Variants in SP140 observed in about 807,000 individuals in gnomAD.
SP140 encodes the protein SP140 nuclear body protein.
In SP140, 81 loss-of-function variants were observed where a neutral mutation model predicts 125.0. The observed-to-expected ratio is 0.65, with a 90% CI of 0.54 to 0.78. SP140 has a LOEUF of 0.78. Ranked by LOEUF, SP140 falls within the 30% of genes least tolerant of loss-of-function variation. The pLI, the probability that SP140 is intolerant of heterozygous loss-of-function variation, is 0.00. For missense variants in SP140, 858 were observed against 1,037.0 expected (o/e 0.83, Z 2.37); for synonymous variants, 312 against 354.0 (o/e 0.88, Z 1.33).
intron 12 of SP140, among the ~76,000 whole-genome samples, chr2:230,260,464 A>G (rs1223965506): frequency 6.6e-6 from 1 of 152,080 alleles, no homozygotes; most frequent in East Asian, 1.9e-4. Context: ...CCAGCTATTT[A>G]TCTTTGTTTT....
At chr2:230,242,137 T>C (rs1043629862) in intron 4 of SP140, among the ~76,000 whole-genome samples, 1 of 151,182 alleles carries the variant, frequency 6.6e-6, no homozygotes, top group Admixed American at 6.6e-5. Context: ...CTGCCAAGGA[T>C]CAGAGGTAAA....
chr2:230,213,105 C>G lies in SP140; in HGVS notation c.-322-549C>G, dbSNP rs1004154790. 7 of 1,411,414 alleles carry G rather than the reference C, an allele frequency of 5.0e-6. No individual in the cohort carries two copies. The Admixed American group carries it at 1.2e-4, about 24-fold the overall frequency. The allele number at this position is 1,411,414 out of a possible 1,614,324, so 87.4% of individuals were successfully genotyped here. A position where few individuals can be genotyped will look rare whatever the true frequency, so the allele number is the denominator to read the frequency against. ...GGGGAAGGGGATTTCTTAATACATGCCTTCCAATAGGATGGGGGCATGGAG... is the reference window on the plus strand; with the variant it reads ...GGGGAAGGGGATTTCTTAATACATGGCTTCCAATAGGATGGGGGCATGGAG... On this transcript the variant is annotated intron_variant, in intron 1 of 4. Coordinates refer to the SP140 transcript ENST00000456542.
chr2:230,241,641 C>T (rs2048744341), intron 4 of SP140, among the ~76,000 whole-genome samples, 154 bp downstream of exon 4: 2 of 152,028 alleles, frequency 1.3e-5, no homozygotes, highest in South Asian at 4.2e-4. Flanking sequence ...TATCTGCCAA[C>T]AGATGTGAGA....
At chr2:230,303,415 A>T (rs549976147) in intron 22 of SP140, among the ~76,000 whole-genome samples, 10 of 152,338 alleles carry the variant, frequency 6.6e-5, no homozygotes, top group African/African-American at 9.6e-5. Flanking sequence ...AATGGTAATT[A>T]AAAAATTGCC....
chr2:230,287,317 A>G (rs1185566488), intron 17 of SP140, among the ~76,000 whole-genome samples: 2 of 152,166 alleles, frequency 1.3e-5, no homozygotes, highest in African/African-American at 2.4e-5. Context: ...TCTTCCCCCA[A>G]TGTGACATGT....
chr2:230,209,250 A>C (rs2044206659), intron 1 of SP140, among the ~76,000 whole-genome samples: 1 of 152,050 alleles, frequency 6.6e-6, no homozygotes, highest in African/African-American at 2.4e-5. Flanking sequence ...GGAGGCCAAG[A>C]ATTGGTGGAG....
upstream of SP140, chr2:230,202,544 G>C (rs757296584): frequency 1.2e-6 from 2 of 1,609,264 alleles, no homozygotes; most frequent in Non-Finnish European, 1.7e-6. Context: ...CCCACACTGA[G>C]CCATTCAAAT....
At chr2:230,308,729 A>AG (rs1356560285) in intron 22 of SP140, among the ~76,000 whole-genome samples, 3 of 152,256 alleles carry the variant, frequency 2.0e-5, no homozygotes, top group Non-Finnish European at 4.4e-5. Flanking sequence ...AATACGCAGA[A>AG]GGTGCAAGCG....
At chr2:230,270,750 T>A in intron 15 of SP140, 111 bp downstream of exon 15, 1 of 1,062,170 alleles carries the variant, frequency 9.4e-7, no homozygotes, top group Non-Finnish European at 1.4e-6. Flanking sequence ...AATACTGTGG[T>A]AGACAGAAGG....
intron 7 of SP140, among the ~76,000 whole-genome samples, chr2:230,246,993 A>G (rs2049547147): frequency 1.3e-5 from 2 of 152,128 alleles, no homozygotes; most frequent in Admixed American, 1.3e-4. Context: ...CACTAGACAG[A>G]AATAACTTCT....
At chr2:230,249,004 A>G (rs1225948778) in intron 9 of SP140, 36 bp downstream of exon 9, 3 of 1,540,162 alleles carry the variant, frequency 1.9e-6, no homozygotes, top group Non-Finnish European at 1.8e-6. Context: ...ATTTGAGTAC[A>G]TCTTTGTTTT....
chr2:230,315,917 T>C (rs1001620521), downstream of SP140, among the ~76,000 whole-genome samples: 4 of 152,226 alleles, frequency 2.6e-5, no homozygotes, highest in Non-Finnish European at 5.9e-5. Flanking sequence ...TTTATTATAA[T>C]GGGTTAGCAC....
At chr2:230,202,700 T>C (rs2148861745), upstream of SP140, 1 of 1,614,182 alleles carries the variant, frequency 6.2e-7, no homozygotes, top group Non-Finnish European at 8.5e-7. Context: ...TGAGCTTCTT[T>C]TGGATTCCGT....
upstream of SP140, chr2:230,225,603 A>G: frequency 1.7e-6 from 1 of 579,036 alleles, no homozygotes. Context: ...GGAACAAGTG[A>G]CCCTGTCTTC....
At chr2:230,212,036 T>G (rs2044540972) in intron 1 of SP140, among the ~76,000 whole-genome samples, 1 of 152,200 alleles carries the variant, frequency 6.6e-6, no homozygotes, top group Non-Finnish European at 1.5e-5. Flanking sequence ...AACATTGTTC[T>G]TAGAATCCAA....
chr2:230,264,932 G>A (rs888624951), intron 12 of SP140, among the ~76,000 whole-genome samples: 1 of 152,148 alleles, frequency 6.6e-6, no homozygotes, highest in Non-Finnish European at 1.5e-5. Flanking sequence ...TTCTATTTTT[G>A]TGCTGGTTGG....
At chr2:230,308,271 A>C (rs1415268961) in intron 22 of SP140, among the ~76,000 whole-genome samples, 1 of 152,022 alleles carries the variant, frequency 6.6e-6, no homozygotes, top group Non-Finnish European at 1.5e-5. Flanking sequence ...ATAAAAGACT[A>C]CACATTGGGT....
upstream of SP140, chr2:230,200,443 CT>C (rs1378084848): frequency 5.4e-6 from 1 of 186,328 alleles, no homozygotes; most frequent in African/African-American, 2.4e-5. Context: ...GAGTTTTTCG[CT>C]TCTCAATTTT....
chr2:230,280,220 A>G (rs73104296), intron 15 of SP140, among the ~76,000 whole-genome samples: 2,644 of 152,140 alleles, frequency 0.017, 101 homozygotes, highest in African/African-American at 0.061. Flanking sequence ...TATGATTTGT[A>G]ACTTTTTAAT....
Sources: gnomAD v4.1 joint callset for allele counts (sites outside exome capture counted in the v4.1 genomes callset) on GRCh38, gnomAD v4.1.1 for gene constraint, MANE v1.5 for transcripts, NCBI Gene and HGNC (gene_info 2026-07-23, HGNC 2026-07-21) for gene names.